The following DENND5A variants were observed in gnomAD, a reference collection of about 807,000 sequenced individuals.
DENND5A encodes the protein DENN domain-containing protein 5A.
DENND5A carries 64 observed loss-of-function variants against 140.3 expected under a neutral mutation model. The ratio of observed to expected loss-of-function variants is 0.46; its 90% CI spans 0.37 to 0.56. DENND5A has a LOEUF of 0.56. DENND5A is among the 20% of genes least tolerant of loss of function. The pLI is 0.00. For missense variants in DENND5A, 1,292 were observed against 1,593.8 expected, an observed-to-expected ratio of 0.81 and a Z score of 3.22; for synonymous variants, 605 against 607.7, an observed-to-expected ratio of 1.00 and a Z score of 0.07.
chr11:9,147,001 A>C, intron 16 of DENND5A, 29 bp downstream of exon 16: 1 of 1,613,556 alleles, frequency 6.2e-7, no homozygotes, highest in Admixed American at 1.7e-5. Flanking sequence ...TGCCTTGAGA[A>C]GGCCAGCTGG....
chr11:9,154,857 A>C (rs542132057), intron 12 of DENND5A, among the ~76,000 whole-genome samples: 1 of 152,084 alleles, frequency 6.6e-6, no homozygotes, highest in Admixed American at 6.5e-5. Context: ...CTTAAAAAAA[A>C]AAAGAAGGTT....
intron 12 of DENND5A, among the ~76,000 whole-genome samples, chr11:9,152,933 G>C (rs931621568): frequency 6.6e-6 from 1 of 151,812 alleles, no homozygotes; most frequent in Non-Finnish European, 1.5e-5. Context: ...GGGAGGCAGA[G>C]GTTGCAGTGA....
chr11:9,177,890 T>G, intron 8 of DENND5A: 1 of 419,112 alleles, frequency 2.4e-6, no homozygotes, highest in South Asian at 4.1e-5. Flanking sequence ...AACCCCCTAT[T>G]TGTTTAACCC....
chr11:9,149,223 AAC>A (rs2136121489), intron 15 of DENND5A, among the ~76,000 whole-genome samples: 1 of 152,266 alleles, frequency 6.6e-6, no homozygotes, highest in Admixed American at 6.5e-5. Flanking sequence ...CCAAGCTACA[AAC>A]AGTCTTGGGG....
At chr11:9,187,434 C>T (rs58182339) in intron 5 of DENND5A, among the ~76,000 whole-genome samples, 1 of 152,084 alleles carries the variant, frequency 6.6e-6, no homozygotes, top group South Asian at 2.1e-4. Context: ...TCACATGGAT[C>T]CCCCAAATCC....
chr11:9,210,681 C>T (rs930857241), intron 1 of DENND5A, among the ~76,000 whole-genome samples: 1 of 152,144 alleles, frequency 6.6e-6, no homozygotes, highest in Non-Finnish European at 1.5e-5. Flanking sequence ...GTAGCTAGGA[C>T]CACCACGCCC....
chr11:9,238,561 C>T (rs1043936598), intron 1 of DENND5A, among the ~76,000 whole-genome samples: 3 of 151,706 alleles, frequency 2.0e-5, no homozygotes, highest in Non-Finnish European at 4.4e-5. Flanking sequence ...GGACCACAGG[C>T]GCCCGCCACC....
intron 1 of DENND5A, among the ~76,000 whole-genome samples, chr11:9,255,410 G>A (rs1481349030): frequency 1.3e-5 from 2 of 152,094 alleles, no homozygotes; most frequent in African/African-American, 4.8e-5. Flanking sequence ...GCAAGATGGT[G>A]AGACCTCGTC....
In DENND5A at chr11:9,170,095, T is replaced by C. The variant is rs569294289; in HGVS notation, c.2058-146A>G. 1.5e-4 allele frequency: 125 copies of C among 813,106 alleles called. No individual in the cohort carries two copies. In the South Asian group the frequency reaches 1.9e-3, roughly 12 times the overall value. 50.4% of individuals were successfully genotyped at this position (813,106 alleles called of 1,614,324 possible). ...GTCACCAGAGACAGCTCAGAGACCTTGAGGAAGAGCAGATTAAAGATGAGT... is the reference window on the plus strand; with the variant it reads ...GTCACCAGAGACAGCTCAGAGACCTCGAGGAAGAGCAGATTAAAGATGAGT... On this transcript the variant is annotated intron_variant, in intron 9 of 22. Transcript: ENST00000328194.
intron 22 of DENND5A, 152 bp downstream of exon 22, chr11:9,141,788 C>G: frequency 1.7e-6 from 1 of 590,170 alleles, no homozygotes; most frequent in Non-Finnish European, 2.8e-6. Context: ...ACACGATACA[C>G]AGAGGAAATT....
At chr11:9,141,090 C>T (rs1257659897) in intron 22 of DENND5A, among the ~76,000 whole-genome samples, 1 of 152,122 alleles carries the variant, frequency 6.6e-6, no homozygotes, top group Non-Finnish European at 1.5e-5. Flanking sequence ...CACACCATTG[C>T]ACTCCAGCCT....
rs760981468 is a variant in DENND5A, at chr11:9,193,657, G to C, written c.974C>G (p.Ala325Gly). 9.3e-6 allele frequency: 15 copies of C among 1,612,804 alleles called. No homozygotes were observed. Among genetic ancestry groups the C allele is most frequent in the Non-Finnish European group, 1.3e-5 (15 of 1,179,504 alleles). Residue 325 changes from alanine to glycine, a missense_variant, in exon 5 of 23, where the codon GCG (alanine) becomes GGG (glycine). By Grantham distance (60) the Ala-to-Gly change is moderately conservative. Coordinates refer to ENST00000328194, the MANE Select transcript of DENND5A (RefSeq NM_015213.4). ...AAACATGAGAGCTGTAATCGTCTCCGCCACAGTCATCAGTCTCTGGTAATC... is the reference window on the plus strand; with the variant it reads ...AAACATGAGAGCTGTAATCGTCTCCCCCACAGTCATCAGTCTCTGGTAATC... ...SQHYQRLMTVAETITALMFPF... is the reference protein window; with the variant it reads ...SQHYQRLMTVGETITALMFPF...
At chr11:9,208,179 G>A (rs1849756039) in intron 1 of DENND5A, among the ~76,000 whole-genome samples, 1 of 152,160 alleles carries the variant, frequency 6.6e-6, no homozygotes, top group Non-Finnish European at 1.5e-5. Flanking sequence ...ACCAGACAAA[G>A]CACATACCCT....
At chr11:9,240,145 C>G (rs936160079) in intron 1 of DENND5A, among the ~76,000 whole-genome samples, 1 of 152,120 alleles carries the variant, frequency 6.6e-6, no homozygotes, top group African/African-American at 2.4e-5. Context: ...TGGTGGCTCA[C>G]GTCTGTAATC....
At chr11:9,237,491 G>A (rs1279314955) in intron 1 of DENND5A, among the ~76,000 whole-genome samples, 2 of 152,160 alleles carry the variant, frequency 1.3e-5, no homozygotes, top group African/African-American at 4.8e-5. Context: ...CTTTATTACA[G>A]GTATAAAGAA....
intron 3 of DENND5A, among the ~76,000 whole-genome samples, chr11:9,204,553 G>A (rs1371048731): frequency 6.6e-6 from 1 of 152,158 alleles, no homozygotes; most frequent in Non-Finnish European, 1.5e-5. Context: ...AACTCAGCCT[G>A]GGAATATCAG....
At chr11:9,199,397 T>A (rs948159465) in intron 4 of DENND5A, among the ~76,000 whole-genome samples, 26 of 152,088 alleles carry the variant, frequency 1.7e-4, no homozygotes, top group African/African-American at 6.0e-4. Flanking sequence ...CCCAGGAGGC[T>A]GAGGTGGGAG....
intron 1 of DENND5A, among the ~76,000 whole-genome samples, chr11:9,248,545 C>A (rs1477319379): frequency 6.6e-6 from 1 of 151,986 alleles, no homozygotes; most frequent in African/African-American, 2.4e-5. Flanking sequence ...GTCGCAGCTA[C>A]TCCAGAGGCT....
chr11:9,251,716 G>A (rs1851726829), intron 1 of DENND5A, among the ~76,000 whole-genome samples: 1 of 152,164 alleles, frequency 6.6e-6, no homozygotes. Context: ...CCAGCTGGGT[G>A]CGGTGGCTCA....
Sources: gnomAD v4.1 joint callset for allele counts (sites outside exome capture counted in the v4.1 genomes callset) on GRCh38, gnomAD v4.1.1 for gene constraint, MANE v1.5 for transcripts, NCBI Gene and HGNC (gene_info 2026-07-23, HGNC 2026-07-21) for gene names.